Variants in CA7 observed in about 807,000 individuals in gnomAD.
CA7 encodes the protein carbonic anhydrase 7.
A neutral mutation model predicts 31.4 loss-of-function variants in CA7; 13 were observed. That is an observed-to-expected ratio of 0.41 (90% CI 0.27 to 0.66). The LOEUF (loss-of-function observed/expected upper bound fraction) is 0.66, where lower values mean the gene tolerates loss of function less well. CA7 is among the 30% of genes least tolerant of loss of function. CA7 has a pLI of 0.28. For missense variants in CA7, 215 were observed against 351.0 expected, an observed-to-expected ratio of 0.61 and a Z score of 3.10; for synonymous variants, 128 against 133.2, an observed-to-expected ratio of 0.96 and a Z score of 0.27.
intron 2 of CA7, among the ~76,000 whole-genome samples, chr16:66,848,692 G>A (rs1960976661): frequency 1.3e-5 from 2 of 152,234 alleles, no homozygotes; most frequent in South Asian, 4.1e-4. Context: ...CACATTGAGT[G>A]CCCCGTGAAT....
At chr16:66,850,332 C>T (rs892105824) in intron 2 of CA7, among the ~76,000 whole-genome samples, 5 of 151,592 alleles carry the variant, frequency 3.3e-5, no homozygotes, top group African/African-American at 4.8e-5. Context: ...CCCAGCTACT[C>T]GGGGGGGCCA....
intron 2 of CA7, among the ~76,000 whole-genome samples, chr16:66,849,575 C>G (rs1960996207): frequency 6.6e-6 from 1 of 152,194 alleles, no homozygotes; most frequent in Admixed American, 6.5e-5. Flanking sequence ...GCAGACTAAA[C>G]AAAATAGTCT....
intron 2 of CA7, 57 bp from the exon 3 acceptor site, chr16:66,850,484 G>A: frequency 1.0e-6 from 1 of 976,552 alleles, no homozygotes; most frequent in Non-Finnish European, 1.7e-6. Context: ...CCTGGTCCTG[G>A]CACTGGGCTG....
chr16:66,847,665 C>A (rs1428678053), intron 2 of CA7, among the ~76,000 whole-genome samples: 3 of 152,212 alleles, frequency 2.0e-5, no homozygotes, highest in African/African-American at 7.2e-5. Flanking sequence ...GCTAAAGTCA[C>A]AAGCCGCTCA....
chr16:66,846,420 C>A (rs1960930504), intron 1 of CA7, among the ~76,000 whole-genome samples: 1 of 152,138 alleles, frequency 6.6e-6, no homozygotes, highest in East Asian at 1.9e-4. Context: ...GACTTGCAGG[C>A]ACACACATTG....
At position 66,853,723 on chromosome 16, in the gene CA7, G is replaced by T; in HGVS notation, c.*225G>T. ...AGGACAGGAGCTAAGCAGGGTCCAA[G>T]CCTGGGGCTGCCTCTGCTCTCCAAG... On this transcript the variant is annotated 3_prime_UTR_variant, in exon 7 of 7. Transcript: ENST00000338437. This position sits in a 1 kb window ranked among gnomAD's most constrained non-coding sequence, Gnocchi z 4.5. 1.8e-6 allele frequency: 1 copy of T among 552,956 alleles called. No homozygotes were observed. Among genetic ancestry groups the T allele is most frequent in the Admixed American group, 3.1e-5 (1 of 32,272 alleles). The allele number at this position is 552,956 out of a possible 1,614,324, so 34.3% of individuals were successfully genotyped here. A position where few individuals can be genotyped will look rare whatever the true frequency, so the allele number is the denominator to read the frequency against.
chr16:66,846,915 T>C (rs1200003332), intron 1 of CA7, 115 bp from the exon 2 acceptor site: 3 of 795,800 alleles, frequency 3.8e-6, no homozygotes, highest in Non-Finnish European at 6.3e-6. Flanking sequence ...GCAGCTCCAA[T>C]GCAGGGGCTC....
chr16:66,851,471 G>C lies in CA7; in HGVS notation c.366G>C (p.Leu122=). 2 of 1,614,112 alleles carry C rather than the reference G, an allele frequency of 1.2e-6. No homozygotes were observed. Among genetic ancestry groups the C allele is most frequent in the Middle Eastern group, 1.6e-4 (1 of 6,062 alleles). ...CTGTTGTTGCCCCATAGCTGCATCTGGTTCACTGGAATGCCAAGAAGTACA... is the reference window on the plus strand; with the variant it reads ...CTGTTGTTGCCCCATAGCTGCATCTCGTTCACTGGAATGCCAAGAAGTACA... ...DGKSFPSELH[L]VHWNAKKYST... The change falls in exon 4 of 7, where the codon CTG becomes CTC. Residue 122 remains leucine, a synonymous_variant. Transcript: ENST00000338437.
chr16:66,850,540 G>A lies in CA7; in HGVS notation c.239-1G>A, dbSNP rs1215059874. On this transcript the variant is annotated splice_acceptor_variant, in intron 2 of 6. Coordinates refer to ENST00000338437, the MANE Select transcript of CA7 (RefSeq NM_005182.3). LOFTEE classifies it high-confidence loss of function. ...GCCACTCGCCCCACTTCTACCCACAGTGGTGACTGGGGGCCCCCTGGAAGG... is the reference window on the plus strand; with the variant it reads ...GCCACTCGCCCCACTTCTACCCACAATGGTGACTGGGGGCCCCCTGGAAGG... The A allele has an allele frequency of 6.3e-7, 1 of 1,581,642 alleles. No homozygotes were observed. The highest frequency in any genetic ancestry group is 1.1e-5 in the South Asian group (1 of 90,414).
intron 5 of CA7, among the ~76,000 whole-genome samples, chr16:66,852,490 AAGAAAG>A (rs1267367542): frequency 1.3e-5 from 2 of 150,468 alleles, no homozygotes; most frequent in Non-Finnish European, 2.9e-5. Flanking sequence ...AAAAGAAAGA[AAGAAAG>A]AGAGAGAGAG....
chr16:66,848,048 T>G (rs1304668984), intron 2 of CA7, among the ~76,000 whole-genome samples: 4 of 152,132 alleles, frequency 2.6e-5, no homozygotes, highest in Admixed American at 2.6e-4. Flanking sequence ...GGTTCCTTCC[T>G]CCTCCTTCTC....
intron 3 of CA7, among the ~76,000 whole-genome samples, chr16:66,850,899 C>T (rs1347177191): frequency 6.6e-6 from 1 of 152,192 alleles, no homozygotes; most frequent in African/African-American, 2.4e-5. Context: ...CCCAGTCCCA[C>T]TGCAGCCTTG....
rs1960946279 is a variant in CA7, at chr16:66,847,164, C to T, written c.175C>T (p.Leu59Phe). The T allele has an allele frequency of 6.2e-7, 1 of 1,614,110 alleles. No homozygotes were observed. Among genetic ancestry groups the T allele is most frequent in the South Asian group, 1.1e-5 (1 of 91,086 alleles). ...GCTTTCCTATGAGGCCTGCATGTCC[C>T]TCAGCATCACCAACAATGGCCACTC... is the stretch of plus-strand genomic sequence containing the variant. ...LELSYEACMS[L>F]SITNNGHSVQ... Residue 59 changes from leucine (L) to phenylalanine (F), a missense_variant, in exon 2 of 7, where the codon CTC becomes TTC. Leu to Phe is a conservative substitution (Grantham distance 22). Coordinates refer to ENST00000338437, the MANE Select transcript of CA7 (RefSeq NM_005182.3).
chr16:66,853,629 G>A lies in CA7; in HGVS notation c.*131G>A. ...CCCTCCTTCAGCCAGTTTGCTCCTTGGTCACCCTGGAGGCTTCTGGATGGG... is the reference window on the plus strand; with the variant it reads ...CCCTCCTTCAGCCAGTTTGCTCCTTAGTCACCCTGGAGGCTTCTGGATGGG... On this transcript the variant is annotated 3_prime_UTR_variant, in exon 7 of 7. Coordinates refer to ENST00000338437, the MANE Select transcript of CA7 (RefSeq NM_005182.3). The surrounding 1 kb of genome is among the most constrained non-coding windows in gnomAD (Gnocchi z 4.5). 7.9e-7 allele frequency: 1 copy of A among 1,265,824 alleles called. No homozygotes were observed. Among genetic ancestry groups the A allele is most frequent in the Non-Finnish European group, 1.1e-6 (1 of 919,760 alleles). The allele number at this position is 1,265,824 out of a possible 1,614,324, so 78.4% of individuals were successfully genotyped here.
intron 2 of CA7, among the ~76,000 whole-genome samples, chr16:66,848,492 A>G (rs536865836): frequency 6.6e-6 from 1 of 152,198 alleles, no homozygotes; most frequent in Non-Finnish European, 1.5e-5. Context: ...ACAGGGGGAC[A>G]TGCCTTTGGA....
At position 66,853,255 on chromosome 16, in the gene CA7, C is replaced by G; in HGVS notation, c.673-121C>G. The G allele has an allele frequency of 7.9e-7, 1 of 1,262,902 alleles. No individual in the cohort carries two copies. Among genetic ancestry groups the G allele is most frequent in the East Asian group, 2.3e-5 (1 of 42,822 alleles). 78.2% of individuals were successfully genotyped at this position (1,262,902 alleles called of 1,614,324 possible). A position where few individuals can be genotyped will look rare whatever the true frequency, so the allele number is the denominator to read the frequency against. On this transcript the variant is annotated intron_variant, in intron 6 of 6. Coordinates refer to ENST00000338437, the MANE Select transcript of CA7 (RefSeq NM_005182.3). The surrounding 1 kb of genome is among the most constrained non-coding windows in gnomAD (Gnocchi z 4.5). ...GAGTGGGGAAGAGTAGGGACAGACC[C>G]TAAGGGAAGGAGGAGGGAGGGGTAG...
chr16:66,852,800 C>T lies in CA7; in HGVS notation c.605C>T (p.Thr202Ile). 6.2e-7 allele frequency: 1 copy of T among 1,614,116 alleles called. No homozygotes were observed. Among genetic ancestry groups the T allele is most frequent in the African/African-American group, 1.3e-5 (1 of 75,034 alleles). The change falls in exon 6 of 7, where the codon ACT becomes ATT. Residue 202 changes from threonine (T) to isoleucine (I), a missense_variant. Physicochemically the swap from Thr to Ile is moderately conservative, Grantham distance 89. Coordinates refer to ENST00000338437, the MANE Select transcript of CA7 (RefSeq NM_005182.3). The part of the protein sequence containing the change: ...HYWTYPGSLT[T>I]PPLSESVTWI... ...TGGACCTACCCGGGCTCTCTGACGA[C>T]TCCCCCACTCAGTGAGAGTGTCACC... is the stretch of plus-strand genomic sequence containing the variant.
intron 5 of CA7, among the ~76,000 whole-genome samples, chr16:66,852,446 G>C (rs994305615): frequency 1.3e-5 from 2 of 149,622 alleles, no homozygotes; most frequent in African/African-American, 4.9e-5. Context: ...CTGGGTGACA[G>C]AGTGAGACTC....
At chr16:66,845,249 G>A (rs887764579) in intron 1 of CA7, 11 of 984,926 alleles carry the variant, frequency 1.1e-5, no homozygotes, top group Non-Finnish European at 1.3e-5. Context: ...GAGCCAGACG[G>A]CTGGAGTGTG....
Sources: allele counts gnomAD v4.1 joint callset (sites outside exome capture counted in the v4.1 genomes callset), GRCh38; gene constraint gnomAD v4.1.1; non-coding constraint Gnocchi (gnomAD v3.1); transcripts MANE v1.5; gene names NCBI Gene and HGNC (gene_info 2026-07-23, HGNC 2026-07-21).